The following COBL variants were observed in gnomAD, a reference collection of about 807,000 sequenced individuals.
The protein encoded by COBL is protein cordon-bleu.
COBL carries 51 observed loss-of-function variants against 98.8 expected under a neutral mutation model. The observed-to-expected ratio is 0.52, with a 90% CI of 0.41 to 0.65. The LOEUF (loss-of-function observed/expected upper bound fraction) is 0.65. Among genes scored for constraint, COBL ranks in the 30% least tolerant of loss-of-function variants. The probability of loss-of-function intolerance (pLI) is 0.00; values close to 1 mark genes in which losing one functional copy is unlikely to be tolerated. For missense variants in COBL, 1,617 were observed against 1,617.5 expected (o/e 1.00, Z 0.01); for synonymous variants, 634 against 651.7 (o/e 0.97, Z 0.41).
chr7:51,312,098 C>A (rs1040318815), intron 1 of COBL, among the ~76,000 whole-genome samples: 1 of 151,592 alleles, frequency 6.6e-6, no homozygotes, highest in African/African-American at 2.4e-5. Flanking sequence ...CCAAGGCGGG[C>A]GGATCACAAG....
At chr7:51,233,528 G>A (rs1253419459) in intron 1 of COBL, among the ~76,000 whole-genome samples, 9 of 152,204 alleles carry the variant, frequency 5.9e-5, no homozygotes, top group African/African-American at 7.2e-5. Context: ...AGAGCGAGAC[G>A]TGAGACAGCA....
intron 1 of COBL, among the ~76,000 whole-genome samples, chr7:51,277,670 A>G (rs1320944620): frequency 6.6e-6 from 1 of 152,138 alleles, no homozygotes; most frequent in Non-Finnish European, 1.5e-5. Flanking sequence ...CTAGAGAGAT[A>G]CAAGGGTGGA....
At chr7:51,122,944 C>T (rs1353210638) in intron 6 of COBL, among the ~76,000 whole-genome samples, 3 of 150,486 alleles carry the variant, frequency 2.0e-5, no homozygotes, top group South Asian at 2.1e-4. Flanking sequence ...GCACCACTGA[C>T]TGCACTCCAG....
intron 1 of COBL, among the ~76,000 whole-genome samples, chr7:51,234,322 G>A (rs1202834525): frequency 1.3e-5 from 2 of 152,214 alleles, no homozygotes; most frequent in African/African-American, 4.8e-5. Context: ...TAGACCTGCG[G>A]CCACCCACCC....
chr7:51,108,429 C>T (rs1796515832), intron 6 of COBL, among the ~76,000 whole-genome samples: 1 of 152,204 alleles, frequency 6.6e-6, no homozygotes, highest in Non-Finnish European at 1.5e-5. Flanking sequence ...AACAGTGCTG[C>T]TGTGAATACT....
In COBL at chr7:51,248,639, C is replaced by T. The variant is rs1284894714; in HGVS notation, c.42-28695G>A. ...CTTTGGAGATTATTTTCTAATGGCA[C>T]AAAATGTCTTTGGTTTATATCAGTT... On this transcript the variant is annotated intron_variant, in intron 1 of 12. Transcript: ENST00000265136. 2.0e-5 allele frequency among the ~76,000 whole-genome samples: 3 copies of T among 152,084 alleles called. No homozygotes were observed. In the South Asian group the frequency reaches 6.2e-4, roughly 32 times the overall value.
rs145637829 is a variant in COBL, at chr7:51,308,581, G to A, written c.41+8012C>T. Among the ~76,000 whole-genome samples, 948 of 152,232 alleles carry A rather than the reference G, an allele frequency of 6.2e-3. 15 individuals are homozygous for A. The highest frequency in any genetic ancestry group is 0.021 in the African/African-American group (893 of 41,540). ...CCAGCTCTATGAGTCCTTAAGCCAC[G>A]CAGAGCACTTAGCAGAGCACTTATG... is the stretch of plus-strand genomic sequence containing the variant. On this transcript the variant is annotated intron_variant, in intron 1 of 12. Coordinates refer to ENST00000265136, the MANE Select transcript of COBL (RefSeq NM_015198.5).
Position 51,278,644 on chromosome 7 carries a change from T to C in COBL, c.41+37949A>G, listed in dbSNP as rs4319041. Among the ~76,000 whole-genome samples, 580 of 152,122 alleles carry C rather than the reference T, an allele frequency of 3.8e-3. 5 individuals carry two copies. Among genetic ancestry groups the C allele is most frequent in the African/African-American group, 0.013 (533 of 41,496 alleles). Reference sequence around the variant, plus strand: ...ATCTACCCACCTCAGCCTCCCAAAGTGCTGGGATTACAGGCGTGAGCCACG... The same window carrying C: ...ATCTACCCACCTCAGCCTCCCAAAGCGCTGGGATTACAGGCGTGAGCCACG... On this transcript the variant is annotated intron_variant, in intron 1 of 12. Transcript: ENST00000265136.
chr7:51,121,543 A>C (rs530426720), intron 6 of COBL, among the ~76,000 whole-genome samples: 1 of 152,172 alleles, frequency 6.6e-6, no homozygotes, highest in Non-Finnish European at 1.5e-5. Context: ...AGTTTGGTTG[A>C]GGAGTAAATC....
rs1237913670 is a variant in COBL at position 51,064,923 on chromosome 7, G to C, written c.1096+20243C>G. 3 of 569,042 alleles carry C rather than the reference G, an allele frequency of 5.3e-6. No individual in the cohort carries two copies. In the Admixed American group the frequency reaches 9.3e-5, roughly 18 times the overall value. The allele number at this position is 569,042 out of a possible 1,614,324, so 35.2% of individuals were successfully genotyped here. ...TGCTGCCTGGAAAGGATGCAGTGCG[G>C]TCTGTGGTGACGGGTTCATATTCAG... On this transcript the variant is annotated intron_variant, in intron 7 of 12. Coordinates refer to ENST00000265136, the MANE Select transcript of COBL (RefSeq NM_015198.5).
At chr7:51,077,598 G>A (rs1793214507) in intron 7 of COBL, among the ~76,000 whole-genome samples, 1 of 152,228 alleles carries the variant, frequency 6.6e-6, no homozygotes, top group South Asian at 2.1e-4. Flanking sequence ...CTCTGGAAGA[G>A]ACAAGATTAT....
intron 7 of COBL, chr7:51,071,995 A>G (rs1194119020): frequency 6.6e-6 from 1 of 151,980 alleles, no homozygotes; most frequent in Non-Finnish European, 1.5e-5. Context: ...ACCAATACAT[A>G]GCACTAAATT....
intron 7 of COBL, among the ~76,000 whole-genome samples, chr7:51,056,546 T>C (rs1469530239): frequency 1.3e-5 from 2 of 152,192 alleles, no homozygotes; most frequent in South Asian, 4.1e-4. Flanking sequence ...ATTTTTGCCT[T>C]ATTAGTTATT....
chr7:51,044,275 G>A (rs946934245), intron 7 of COBL, among the ~76,000 whole-genome samples: 2 of 152,104 alleles, frequency 1.3e-5, no homozygotes, highest in Non-Finnish European at 2.9e-5. Context: ...AATGTGATTC[G>A]CTGCAGGAGT....
At chr7:51,275,584 C>A (rs937021994) in intron 1 of COBL, among the ~76,000 whole-genome samples, 11 of 152,224 alleles carry the variant, frequency 7.2e-5, no homozygotes, top group African/African-American at 2.6e-4. Flanking sequence ...ACAGTGCACT[C>A]CAGCTCCACC....
At chr7:51,019,880 A>G (rs1786752299) in intron 12 of COBL, among the ~76,000 whole-genome samples, 1 of 152,166 alleles carries the variant, frequency 6.6e-6, no homozygotes, top group Admixed American at 6.5e-5. Flanking sequence ...GGAGTTCTCT[A>G]ATGCACATAT....
chr7:51,073,696 G>A (rs2128925979), intron 7 of COBL, among the ~76,000 whole-genome samples: 1 of 152,118 alleles, frequency 6.6e-6, no homozygotes, highest in African/African-American at 2.4e-5. Context: ...GAAACCTAAG[G>A]TCCTTACAAG....
chr7:51,170,202 T>C (rs1207044111), intron 5 of COBL, among the ~76,000 whole-genome samples: 2 of 152,070 alleles, frequency 1.3e-5, no homozygotes, highest in East Asian at 1.9e-4. Flanking sequence ...CTTTTCTTTT[T>C]TCCTTATGGC....
intron 11 of COBL, among the ~76,000 whole-genome samples, chr7:51,026,307 A>G (rs946562643): frequency 1.3e-5 from 2 of 152,250 alleles, no homozygotes; most frequent in East Asian, 3.9e-4. Context: ...ACTGTGCTTC[A>G]GCAAAGGCTG....
Sources: allele counts gnomAD v4.1 joint callset (sites outside exome capture counted in the v4.1 genomes callset), GRCh38; gene constraint gnomAD v4.1.1; transcripts MANE v1.5; gene names NCBI Gene and HGNC (gene_info 2026-07-23, HGNC 2026-07-21).